STRN3: variants seen among roughly 807,000 people sequenced by gnomAD.
STRN3 encodes striatin-3.
In STRN3, 29 loss-of-function variants were observed where a neutral mutation model predicts 95.6. That is an observed-to-expected ratio of 0.30 (90% CI 0.23 to 0.41). The LOEUF (loss-of-function observed/expected upper bound fraction) is 0.41. STRN3 is among the 10% of genes least tolerant of loss of function. The pLI is 1.00. For missense variants in STRN3, 890 were observed against 972.1 expected (o/e 0.92, Z 1.12); for synonymous variants, 331 against 357.6 (o/e 0.93, Z 0.84).
intron 7 of STRN3, chr14:30,932,131 G>T (rs186116035): frequency 2.6e-5 from 4 of 152,418 alleles, no homozygotes; most frequent in East Asian, 1.9e-4. Context: ...GCCGGGCGTG[G>T]TGGCATGCGC....
At chr14:30,974,059 A>T (rs1037287452) in intron 1 of STRN3, among the ~76,000 whole-genome samples, 1 of 152,212 alleles carries the variant, frequency 6.6e-6, no homozygotes, top group African/African-American at 2.4e-5. Flanking sequence ...AAAGCAAGGA[A>T]ATCCACTTTC....
chr14:30,992,596 G>A (rs889329094), intron 1 of STRN3, among the ~76,000 whole-genome samples: 2 of 150,038 alleles, frequency 1.3e-5, no homozygotes, highest in Non-Finnish European at 3.0e-5. Context: ...AAAAAAGATG[G>A]GGTCGGGGGA....
chr14:30,956,559 ACT>A (rs906912167), intron 1 of STRN3, among the ~76,000 whole-genome samples: 4 of 151,992 alleles, frequency 2.6e-5, no homozygotes, highest in Non-Finnish European at 5.9e-5. Context: ...GGCTGAGGAG[ACT>A]CTGTCTCAAA....
At position 30,894,774 on chromosome 14, in the gene STRN3, T is replaced by A; in HGVS notation, c.*637A>T. The A allele has an allele frequency of 4.4e-6, 1 of 225,328 alleles. No individual in the cohort carries two copies. 14.0% of individuals were successfully genotyped at this position (225,328 alleles called of 1,614,324 possible). A position where few individuals can be genotyped will look rare whatever the true frequency, so the allele number is the denominator to read the frequency against. On this transcript the variant is annotated 3_prime_UTR_variant, in exon 18 of 18. Coordinates refer to ENST00000357479, the MANE Select transcript of STRN3 (RefSeq NM_001083893.2). The stretch of plus-strand genomic sequence containing the variant: ...GTTGTATAATGCAGAAAAACTTCAA[T>A]ACAATCTTGAGCACTGTTGTGACAG...
At chr14:30,943,577 G>C (rs945435231) in intron 5 of STRN3, among the ~76,000 whole-genome samples, 2 of 152,118 alleles carry the variant, frequency 1.3e-5, no homozygotes, top group Non-Finnish European at 2.9e-5. Context: ...TCCAGCCTGG[G>C]CAACAGGGCA....
At chr14:30,926,725 T>G (rs566490087) in intron 8 of STRN3, among the ~76,000 whole-genome samples, 3 of 152,180 alleles carry the variant, frequency 2.0e-5, no homozygotes, top group African/African-American at 7.2e-5. Context: ...AAAACAGATA[T>G]GAAATCAAAA....
In STRN3 at chr14:30,978,849, A is replaced by G. The variant is rs7158106; in HGVS notation, c.283-22607T>C. On this transcript the variant is annotated intron_variant, in intron 1 of 17. Transcript: ENST00000357479. ...GGAGTTTGAGACCAGCCTGGCCAAC[A>G]TGGTGAAACCCTGTCTCTACTAAAA... Among the ~76,000 whole-genome samples the G allele has an allele frequency of 3.9e-3, 601 of 152,198 alleles. 17 individuals carry two copies. Among genetic ancestry groups the G allele is most frequent in the Admixed American group, 0.036 (553 of 15,284 alleles).
chr14:31,013,872 A>T (rs200071830), intron 1 of STRN3, among the ~76,000 whole-genome samples: 1 of 44,148 alleles, frequency 2.3e-5, no homozygotes, highest in Admixed American at 2.5e-4. Flanking sequence ...TTTTATTATT[A>T]TTATTATTAT....
At chr14:30,964,849 G>A (rs1406308850) in intron 1 of STRN3, among the ~76,000 whole-genome samples, 1 of 151,838 alleles carries the variant, frequency 6.6e-6, no homozygotes, top group Non-Finnish European at 1.5e-5. Flanking sequence ...GAACTCGGAG[G>A]TGAAGGTTGC....
intron 5 of STRN3, among the ~76,000 whole-genome samples, chr14:30,937,100 C>G (rs1209538235): frequency 6.6e-6 from 1 of 151,870 alleles, no homozygotes; most frequent in Non-Finnish European, 1.5e-5. Flanking sequence ...AGGGGAAGAT[C>G]GCTTGAGCCT....
At chr14:30,939,645 G>A (rs1212825303) in intron 5 of STRN3, among the ~76,000 whole-genome samples, 1 of 152,058 alleles carries the variant, frequency 6.6e-6, no homozygotes, top group African/African-American at 2.4e-5. Flanking sequence ...AAGCCAAATA[G>A]TTCTAAATAA....
Position 30,895,401 on chromosome 14 carries a change from T to C in STRN3, c.*10A>G, listed in dbSNP as rs774751692. The C allele has an allele frequency of 3.1e-6, 5 of 1,589,120 alleles. No homozygotes were observed. In the South Asian group the frequency reaches 5.6e-5, roughly 18 times the overall value. On this transcript the variant is annotated 3_prime_UTR_variant, in exon 18 of 18. Transcript: ENST00000357479. The stretch of plus-strand genomic sequence containing the variant: ...AAGCAAATCTTGTTACGATGCAAGT[T>C]TTTGTTGATTCATACAAATACTTTG...
chr14:30,983,253 A>G (rs1881497731), intron 1 of STRN3, among the ~76,000 whole-genome samples: 2 of 152,150 alleles, frequency 1.3e-5, no homozygotes, highest in South Asian at 2.1e-4. Flanking sequence ...TTACCTTAAC[A>G]TAAGGCAGGC....
intron 1 of STRN3, among the ~76,000 whole-genome samples, chr14:31,001,951 G>C (rs1231322956): frequency 1.3e-5 from 2 of 151,690 alleles, no homozygotes; most frequent in Admixed American, 6.6e-5. Flanking sequence ...GATCACCTGA[G>C]GTCGGGAGTT....
Position 31,022,562 on chromosome 14 carries a change from C to A in STRN3, c.282+3342G>T, listed in dbSNP as rs151246875. On this transcript the variant is annotated intron_variant, in intron 1 of 17. Coordinates refer to ENST00000357479, the MANE Select transcript of STRN3 (RefSeq NM_001083893.2). ...ATATATAAACTATGCCTTGCAGCAG[C>A]ATCACAGGCGCTCAATAAAACTTTA... Among the ~76,000 whole-genome samples the A allele has an allele frequency of 3.1e-3, 475 of 151,700 alleles. 4 individuals carry two copies. Among genetic ancestry groups the A allele is most frequent in the African/African-American group, 0.011 (464 of 41,312 alleles).
At chr14:30,987,282 C>T (rs988934620) in intron 1 of STRN3, among the ~76,000 whole-genome samples, 1 of 152,088 alleles carries the variant, frequency 6.6e-6, no homozygotes, top group Admixed American at 6.5e-5. Context: ...CCGAGGCAGG[C>T]GGATCACAGG....
chr14:30,976,945 C>G (rs975027015), intron 1 of STRN3, among the ~76,000 whole-genome samples: 6 of 151,628 alleles, frequency 4.0e-5, no homozygotes, highest in African/African-American at 1.5e-4. Context: ...CAAAAATTGA[C>G]CGGACATGGT....
chr14:31,014,931 G>A (rs1416855574), intron 1 of STRN3, among the ~76,000 whole-genome samples: 2 of 151,692 alleles, frequency 1.3e-5, no homozygotes, highest in East Asian at 3.9e-4. Context: ...AGGTTCAAGC[G>A]ATTCTCCTGC....
rs77226344 is a variant in STRN3, at chr14:30,957,837, T to C, written c.283-1595A>G. On this transcript the variant is annotated intron_variant, in intron 1 of 17. Coordinates refer to ENST00000357479, the MANE Select transcript of STRN3 (RefSeq NM_001083893.2). ...AAACTAATTTTCACAAGAGGTAGAA[T>C]GTTCTTGCAGAGATGACACAGGTGC... Among the ~76,000 whole-genome samples the C allele has an allele frequency of 8.6e-3, 1,316 of 152,302 alleles. 23 individuals carry two copies. The highest frequency in any genetic ancestry group is 0.03 in the African/African-American group (1,245 of 41,558).
Sources: allele counts gnomAD v4.1 joint callset (sites outside exome capture counted in the v4.1 genomes callset), GRCh38; gene constraint gnomAD v4.1.1; transcripts MANE v1.5; gene names NCBI Gene and HGNC (gene_info 2026-07-23, HGNC 2026-07-21).